Variants in IHO1 observed in about 807,000 individuals in gnomAD.
The protein encoded by IHO1 is interactor of HORMAD1 protein 1.
In IHO1, 13 loss-of-function variants were observed where a neutral mutation model predicts 31.0. The observed-to-expected ratio is 0.42, with a 90% CI of 0.27 to 0.67. The LOEUF (loss-of-function observed/expected upper bound fraction) is 0.67, where lower values mean the gene tolerates loss of function less well. Ranked by LOEUF, IHO1 falls within the 30% of genes least tolerant of loss-of-function variation. The pLI is 0.24. For missense variants in IHO1, 599 were observed against 687.5 expected (o/e 0.87, Z 1.44); for synonymous variants, 221 against 248.4 (o/e 0.89, Z 1.04).
rs930654260 is a variant in IHO1, at chr3:49,210,306, A to T, written c.-15-1460A>T. On this transcript the variant is annotated intron_variant, in intron 1 of 7. Transcript: ENST00000452691. ...AGCTGGAGTATAGTGGCACAATCTTAGCTCACTACAGCCTTGACCTCTTGG... is the reference window on the plus strand; with the variant it reads ...AGCTGGAGTATAGTGGCACAATCTTTGCTCACTACAGCCTTGACCTCTTGG... Among the ~76,000 whole-genome samples the T allele has an allele frequency of 3.0e-4, 46 of 151,488 alleles. 1 individual carries two copies. The highest frequency in any genetic ancestry group is 1.1e-3 in the African/African-American group (46 of 41,144).
rs2107676844 is a variant in IHO1, at chr3:49,201,304, T to C, written c.-16+1731T>C. Among the ~76,000 whole-genome samples, 3 of 151,428 alleles carry C rather than the reference T, an allele frequency of 2.0e-5. No homozygotes were observed. In the South Asian group the frequency reaches 6.4e-4, roughly 32 times the overall value. ...CACCGCACCCGGCCATTTACCACAA[T>C]TTTTAAAAATTGGGCCGAGTTGGCT... is the stretch of plus-strand genomic sequence containing the variant. On this transcript the variant is annotated intron_variant, in intron 1 of 7. Coordinates refer to ENST00000452691, the MANE Select transcript of IHO1 (RefSeq NM_001135197.2).
upstream of IHO1, among the ~76,000 whole-genome samples, chr3:49,195,890 A>G (rs1213584564): frequency 6.6e-6 from 1 of 151,362 alleles, no homozygotes; most frequent in Admixed American, 6.6e-5. Context: ...TCACGAGGTC[A>G]GGAGATGAGA....
rs539549390 is a variant in IHO1, at chr3:49,209,510, C to G, written c.-15-2256C>G. ...AATTAGCCAGGAGTGACAGCACATG[C>G]CTGTAATTGCGGCTACTCAGGAGGC... On this transcript the variant is annotated intron_variant, in intron 1 of 7. Coordinates refer to ENST00000452691, the MANE Select transcript of IHO1 (RefSeq NM_001135197.2). 2.6e-5 allele frequency among the ~76,000 whole-genome samples: 4 copies of G among 151,674 alleles called. No individual in the cohort carries two copies. In the East Asian group the frequency reaches 7.9e-4, roughly 30 times the overall value.
At position 49,256,662 on chromosome 3, in the gene IHO1, G is replaced by A; in HGVS notation, c.1165G>A (p.Gly389Arg). Residue 389 changes from glycine (G) to arginine (R), a missense_variant, in exon 8 of 8, where the codon GGA (glycine) becomes AGA (arginine). Transcript: ENST00000452691. This position sits in a 1 kb window ranked among gnomAD's most constrained non-coding sequence, Gnocchi z 4.6. Reference protein sequence around the residue: ...IPSDRDLVSQGASQLTSLEIN... With the variant: ...IPSDRDLVSQRASQLTSLEIN... ...CAGTGACAGGGACCTGGTTTCCCAA[G>A]GAGCCTCACAGCTCACATCATTGGA... 2.5e-6 allele frequency: 4 copies of A among 1,614,224 alleles called. No homozygotes were observed. The highest frequency in any genetic ancestry group is 3.4e-6 in the Non-Finnish European group (4 of 1,180,040).
intron 1 of IHO1, chr3:49,200,479 G>A (rs562270297): frequency 1.5e-4 from 53 of 358,870 alleles, no homozygotes; most frequent in African/African-American, 8.2e-4. Flanking sequence ...AAAAAAAAAA[G>A]AAAGAAAGAA....
At chr3:49,254,592 G>A (rs2046801466) in intron 6 of IHO1, among the ~76,000 whole-genome samples, 1 of 152,070 alleles carries the variant, frequency 6.6e-6, no homozygotes, top group African/African-American at 2.4e-5. Context: ...GGGAATGACA[G>A]GGACAGAAAC....
At chr3:49,233,770 A>T (rs541804813) in intron 2 of IHO1, among the ~76,000 whole-genome samples, 1 of 152,372 alleles carries the variant, frequency 6.6e-6, no homozygotes, top group South Asian at 2.1e-4. Flanking sequence ...GCACTGTGAC[A>T]TGTTCATTAT....
At chr3:49,226,852 A>T (rs1004533256) in intron 2 of IHO1, among the ~76,000 whole-genome samples, 1 of 152,132 alleles carries the variant, frequency 6.6e-6, no homozygotes, top group African/African-American at 2.4e-5. Flanking sequence ...ATCTGCTTTA[A>T]ATCAGAGAGG....
At chr3:49,229,438 A>G (rs1234771265) in intron 2 of IHO1, among the ~76,000 whole-genome samples, 1 of 152,242 alleles carries the variant, frequency 6.6e-6, no homozygotes, top group African/African-American at 2.4e-5. Flanking sequence ...GGGGAAATTC[A>G]AATTGTTATA....
intron 1 of IHO1, among the ~76,000 whole-genome samples, chr3:49,207,159 C>T (rs1410987686): frequency 2.0e-5 from 3 of 151,568 alleles, no homozygotes; most frequent in African/African-American, 4.8e-5. Context: ...TACTTGATGA[C>T]CGGTTATATT....
chr3:49,219,788 A>G (rs2046330916), intron 2 of IHO1, among the ~76,000 whole-genome samples: 1 of 152,208 alleles, frequency 6.6e-6, no homozygotes, highest in Non-Finnish European at 1.5e-5. Flanking sequence ...GCTCGGAAGC[A>G]TCAGGGTAAC....
chr3:49,218,713 G>T (rs976746847), intron 2 of IHO1, among the ~76,000 whole-genome samples: 2 of 152,158 alleles, frequency 1.3e-5, no homozygotes, highest in African/African-American at 4.8e-5. Flanking sequence ...TAGTGGCATA[G>T]AGCCAAGTAT....
chr3:49,206,299 T>A lies in IHO1; in HGVS notation c.-15-5467T>A, dbSNP rs2046135988. Among the ~76,000 whole-genome samples, 4 of 151,324 alleles carry A rather than the reference T, an allele frequency of 2.6e-5. No individual in the cohort carries two copies. In the South Asian group the frequency reaches 8.3e-4, roughly 32 times the overall value. On this transcript the variant is annotated intron_variant, in intron 1 of 7. Transcript: ENST00000452691. Reference sequence around the variant, plus strand: ...TTTTAGTAGAGATGGGATTTCACCATATTGGTGAGGCTGGTCTTGAACTCT... The same window carrying A: ...TTTTAGTAGAGATGGGATTTCACCAAATTGGTGAGGCTGGTCTTGAACTCT...
intron 4 of IHO1, 63 bp downstream of exon 4, chr3:49,241,452 T>C (rs1214385543): frequency 3.5e-6 from 5 of 1,449,008 alleles, no homozygotes; most frequent in Non-Finnish European, 4.7e-6. Context: ...AGACATAGAG[T>C]GTCAGTAATT....
At chr3:49,218,361 C>A (rs527929014) in intron 2 of IHO1, among the ~76,000 whole-genome samples, 5 of 150,026 alleles carry the variant, frequency 3.3e-5, no homozygotes, top group African/African-American at 1.2e-4. Flanking sequence ...ACAGTGTCAG[C>A]AGGACAGTTA....
At chr3:49,245,058 A>C in intron 6 of IHO1, 1 of 557,292 alleles carries the variant, frequency 1.8e-6, no homozygotes. Flanking sequence ...CTTGAGTCTC[A>C]AATTGCTGCC....
At chr3:49,199,290 G>T (rs1418273450), upstream of IHO1, among the ~76,000 whole-genome samples, 1 of 152,198 alleles carries the variant, frequency 6.6e-6, no homozygotes, top group Non-Finnish European at 1.5e-5. Context: ...GGTTAAAACC[G>T]TTAGCTGCCT....
intron 3 of IHO1, among the ~76,000 whole-genome samples, chr3:49,239,563 A>C (rs749854772): frequency 1.1e-4 from 16 of 151,918 alleles, no homozygotes; most frequent in Non-Finnish European, 2.2e-4. Context: ...TACAGGCGTG[A>C]GCCCCCGTGC....
upstream of IHO1, among the ~76,000 whole-genome samples, chr3:49,193,636 C>T (rs1348370646): frequency 7.3e-5 from 8 of 109,936 alleles, no homozygotes; most frequent in East Asian, 5.7e-4. Flanking sequence ...TCCAGCCTGG[C>T]GACAAAGCGA....
Sources: allele counts gnomAD v4.1 joint callset (sites outside exome capture counted in the v4.1 genomes callset), GRCh38; gene constraint gnomAD v4.1.1; non-coding constraint Gnocchi (gnomAD v3.1); transcripts MANE v1.5; gene names NCBI Gene and HGNC (gene_info 2026-07-23, HGNC 2026-07-21).